The following FGF9 variants were observed in gnomAD, a reference collection of about 807,000 sequenced individuals.
FGF9 encodes fibroblast growth factor 9 (glia-activating factor).
Under a neutral mutation model 19.9 loss-of-function variants are expected in FGF9, and 3 were observed. That is an observed-to-expected ratio of 0.15 (90% CI 0.07 to 0.39). The LOEUF is 0.39. Among genes scored for constraint, FGF9 ranks in the 10% least tolerant of loss-of-function variants. FGF9 has a pLI of 1.00. For missense variants in FGF9, 175 were observed against 256.8 expected (o/e 0.68, Z 2.18); for synonymous variants, 107 against 106.9 (o/e 1.00, Z -0.01).
At chr13:21,679,241 G>C (rs921748956) in intron 1 of FGF9, among the ~76,000 whole-genome samples, 14 of 152,140 alleles carry the variant, frequency 9.2e-5, no homozygotes, top group Non-Finnish European at 1.8e-4. Flanking sequence ...AGATAAATTT[G>C]TTACATTTTG....
In FGF9 at chr13:21,701,804, A is replaced by G. The variant is rs972916139; in HGVS notation, c.*369A>G. ...AGGACTGCGGCCTGATGCATGCTGG[A>G]AAAAGACACGCTTTTCATTTCTGAT... is the stretch of plus-strand genomic sequence containing the variant. On this transcript the variant is annotated 3_prime_UTR_variant, in exon 3 of 3. Transcript: ENST00000382353. 6 of 279,722 alleles carry G rather than the reference A, an allele frequency of 2.1e-5. No homozygotes were observed. Among genetic ancestry groups the G allele is most frequent in the Non-Finnish European group, 3.5e-5 (5 of 143,444 alleles). 17.3% of individuals were successfully genotyped at this position (279,722 alleles called of 1,614,324 possible). A position where few individuals can be genotyped will look rare whatever the true frequency, so the allele number is the denominator to read the frequency against.
At chr13:21,681,255 C>G (rs1232619894) in intron 2 of FGF9, 110 bp downstream of exon 2, 3 of 819,878 alleles carry the variant, frequency 3.7e-6, no homozygotes, top group Non-Finnish European at 6.2e-6. Context: ...GTTTGGAAGG[C>G]GAGTGTAAGT....
At position 21,702,859 on chromosome 13, in the gene FGF9, A is replaced by G. The variant is rs1872578437; in HGVS notation, c.*1424A>G. The G allele has an allele frequency of 6.6e-6, 1 of 152,234 alleles. No homozygotes were observed. Among genetic ancestry groups the G allele is most frequent in the South Asian group, 2.1e-4 (1 of 4,836 alleles). 9.4% of individuals were successfully genotyped at this position (152,234 alleles called of 1,614,324 possible). ...CAATAATGACAATGAGGGGGAAAGTATTATACTTGTTGACTGTGTTTTGTT... is the reference window on the plus strand; with the variant it reads ...CAATAATGACAATGAGGGGGAAAGTGTTATACTTGTTGACTGTGTTTTGTT... On this transcript the variant is annotated 3_prime_UTR_variant, in exon 3 of 3. Transcript: ENST00000382353.
At chr13:21,678,719 G>A (rs1005125169) in intron 1 of FGF9, among the ~76,000 whole-genome samples, 11 of 152,174 alleles carry the variant, frequency 7.2e-5, no homozygotes, top group African/African-American at 2.7e-4. Flanking sequence ...TGCTCCCTTA[G>A]AAGCTGCAAA....
intron 2 of FGF9, among the ~76,000 whole-genome samples, chr13:21,697,327 G>A (rs905473323): frequency 4.6e-5 from 7 of 152,074 alleles, no homozygotes; most frequent in African/African-American, 1.7e-4. Flanking sequence ...TTTTTGTTTT[G>A]TAGAGATGGG....
chr13:21,672,330 C>T lies in FGF9; in HGVS notation c.277+141C>T. On this transcript the variant is annotated intron_variant, in intron 1 of 2. Coordinates refer to ENST00000382353, the MANE Select transcript of FGF9 (RefSeq NM_002010.3). This position sits in a 1 kb window ranked among gnomAD's most constrained non-coding sequence, Gnocchi z 4.2. ...TCTCTGTATCTCTGTCTCTCTCTCT[C>T]TCTGTCTTGCCAGCTCCGAAAAAAA... 1 of 956,480 alleles carries T rather than the reference C, an allele frequency of 1.0e-6. No individual in the cohort carries two copies. The highest frequency in any genetic ancestry group is 2.5e-5 in the East Asian group (1 of 39,344). The allele number at this position is 956,480 out of a possible 1,614,324, so 59.2% of individuals were successfully genotyped here. A position where few individuals can be genotyped will look rare whatever the true frequency, so the allele number is the denominator to read the frequency against.
In FGF9 at chr13:21,672,837, TC is replaced by T. The variant is rs1005937074; in HGVS notation, c.277+650del. 6.6e-6 allele frequency among the ~76,000 whole-genome samples: 1 copy of T among 152,214 alleles called. No individual in the cohort carries two copies. Among genetic ancestry groups the T allele is most frequent in the African/African-American group, 2.4e-5 (1 of 41,462 alleles). ...CAGGGCGCTCAGGGGTTTTTGTCCT[TC>T]CAGCTATCAAGTGATAACCTCTGCT... On this transcript the variant is annotated intron_variant, in intron 1 of 2. Coordinates refer to ENST00000382353, the MANE Select transcript of FGF9 (RefSeq NM_002010.3). The surrounding 1 kb of genome is among the most constrained non-coding windows in gnomAD (Gnocchi z 4.2).
At position 21,671,818 on chromosome 13, in the gene FGF9, G is replaced by C. The variant is rs934417868; in HGVS notation, c.-95G>C. 1.4e-6 allele frequency: 2 copies of C among 1,380,466 alleles called. No homozygotes were observed. The highest frequency in any genetic ancestry group is 2.1e-6 in the Non-Finnish European group (2 of 968,066). The allele number at this position is 1,380,466 out of a possible 1,614,324, so 85.5% of individuals were successfully genotyped here. A position where few individuals can be genotyped will look rare whatever the true frequency, so the allele number is the denominator to read the frequency against. ...TTTTCTCTCTCTCTCTGCAACTGCA[G>C]TAAGGGAGGGGAGTTGGATATACCT... is the stretch of plus-strand genomic sequence containing the variant. On this transcript the variant is annotated 5_prime_UTR_variant, in exon 1 of 3. Transcript: ENST00000382353.
chr13:21,682,527 G>A (rs561730379), intron 2 of FGF9, among the ~76,000 whole-genome samples: 3 of 152,094 alleles, frequency 2.0e-5, no homozygotes, highest in Admixed American at 2.0e-4. Flanking sequence ...GTATTTGTAA[G>A]TATAGGATTG....
chr13:21,674,369 G>C lies in FGF9; in HGVS notation c.277+2180G>C, dbSNP rs1186491492. On this transcript the variant is annotated intron_variant, in intron 1 of 2. Coordinates refer to ENST00000382353, the MANE Select transcript of FGF9 (RefSeq NM_002010.3). ...AGGAGTGGGGGTGGGGGGGACAAAGGGCCGCGGAGGCGGGCGGAGGGGGCG... is the reference window on the plus strand; with the variant it reads ...AGGAGTGGGGGTGGGGGGGACAAAGCGCCGCGGAGGCGGGCGGAGGGGGCG... 2.0e-5 allele frequency among the ~76,000 whole-genome samples: 3 copies of C among 151,710 alleles called. No homozygotes were observed. The East Asian group carries it at 5.9e-4, about 30-fold the overall frequency.
At chr13:21,676,583 T>G (rs1230137204) in intron 1 of FGF9, among the ~76,000 whole-genome samples, 1 of 152,224 alleles carries the variant, frequency 6.6e-6, no homozygotes, top group Non-Finnish European at 1.5e-5. Context: ...CTTACCCCGG[T>G]GCAGGATCTG....
Position 21,671,930 on chromosome 13 carries a change from A to T in FGF9, c.18A>T (p.Glu6Asp), listed in dbSNP as rs1162900422. 1 of 1,614,068 alleles carries T rather than the reference A, an allele frequency of 6.2e-7. No individual in the cohort carries two copies. The highest frequency in any genetic ancestry group is 1.3e-5 in the African/African-American group (1 of 74,906). Residue 6 changes from glutamate (E) to aspartate (D), a missense_variant, in exon 1 of 3, where the codon GAA becomes GAT. Glu to Asp is a conservative substitution (Grantham distance 45). Around this residue, in one of 3 missense-constraint regions of FGF9, gnomAD observed 69 missense variants for 73.6 expected, o/e 0.94. Transcript: ENST00000382353. The stretch of plus-strand genomic sequence containing the variant: ...GTCCTCTGATGGCTCCCTTAGGTGA[A>T]GTTGGGAACTATTTCGGTGTGCAGG... MAPLG[E>D]VGNYFGVQDA...
chr13:21,689,039 C>A (rs1298300201), intron 2 of FGF9, among the ~76,000 whole-genome samples: 1 of 152,072 alleles, frequency 6.6e-6, no homozygotes, highest in Non-Finnish European at 1.5e-5. Context: ...GTCTGGGATG[C>A]GAATTTGGAG....
In FGF9 at chr13:21,687,201, T is replaced by C. The variant is rs554697633; in HGVS notation, c.381+6056T>C. On this transcript the variant is annotated intron_variant, in intron 2 of 2. Transcript: ENST00000382353. ...GTTTTTTCTGCTGGGCAGACACACA[T>C]GAGTCAAAGAAGTTTCTTGCATGGT... Among the ~76,000 whole-genome samples, 25 of 152,256 alleles carry C rather than the reference T, an allele frequency of 1.6e-4. No homozygotes were observed. In the South Asian group the frequency reaches 5.2e-3, roughly 32 times the overall value.
intron 2 of FGF9, among the ~76,000 whole-genome samples, chr13:21,698,269 T>G (rs2138147662): frequency 6.6e-6 from 1 of 152,344 alleles, no homozygotes; most frequent in African/African-American, 2.4e-5. Flanking sequence ...CGCAAATTGC[T>G]TCACATCTGG....
chr13:21,687,645 C>T (rs1310774234), intron 2 of FGF9, among the ~76,000 whole-genome samples: 1 of 152,154 alleles, frequency 6.6e-6, no homozygotes, highest in Admixed American at 6.5e-5. Flanking sequence ...TGACTTGTTC[C>T]CCTGCCCCAC....
chr13:21,696,768 A>G (rs946473156), intron 2 of FGF9, among the ~76,000 whole-genome samples: 13 of 152,208 alleles, frequency 8.5e-5, no homozygotes, highest in African/African-American at 3.1e-4. Context: ...ACCTCAACTA[A>G]ATATTGTATC....
chr13:21,684,767 T>A (rs1420633215), intron 2 of FGF9, among the ~76,000 whole-genome samples: 1 of 152,198 alleles, frequency 6.6e-6, no homozygotes, highest in Non-Finnish European at 1.5e-5. Flanking sequence ...TCCCAAGAAT[T>A]CTGTAGTTTG....
In FGF9 at chr13:21,671,919, C is replaced by G; in HGVS notation, c.7C>G (p.Pro3Ala). MAPLGEVGNYFGV... is the reference protein window; with the variant it reads MAALGEVGNYFGV... ...CCAAAAGCCGAGTCCTCTGATGGCT[C>G]CCTTAGGTGAAGTTGGGAACTATTT... The change falls in exon 1 of 3, where the codon CCC becomes GCC. Residue 3 changes from proline (P) to alanine (A), a missense_variant. Physicochemically the swap from Pro to Ala is conservative, Grantham distance 27. This residue lies in a region of FGF9 where 69 missense variants were observed against 73.6 expected (regional missense o/e 0.94). Coordinates refer to ENST00000382353, the MANE Select transcript of FGF9 (RefSeq NM_002010.3). The G allele has an allele frequency of 6.2e-7, 1 of 1,614,132 alleles. No individual in the cohort carries two copies. Among genetic ancestry groups the G allele is most frequent in the Non-Finnish European group, 8.5e-7 (1 of 1,180,042 alleles).
Sources: gnomAD v4.1 joint callset for allele counts (sites outside exome capture counted in the v4.1 genomes callset) on GRCh38, gnomAD v4.1.1 for gene constraint, gnomAD v4.1.1 regional missense constraint, Gnocchi (gnomAD v3.1) non-coding constraint, MANE v1.5 for transcripts, NCBI Gene and HGNC (gene_info 2026-07-23, HGNC 2026-07-21) for gene names.